Variants in UBE3D observed in about 807,000 individuals in gnomAD.
UBE3D encodes ubiquitin protein ligase E3D.
Under a neutral mutation model 49.6 loss-of-function variants are expected in UBE3D, and 48 were observed. The observed-to-expected ratio is 0.97, with a 90% CI of 0.77 to 1.23. The LOEUF (loss-of-function observed/expected upper bound fraction) is 1.23, where lower values mean the gene tolerates loss of function less well. UBE3D is among the 50% of genes most tolerant of loss of function. UBE3D has a pLI of 0.00. For synonymous variants in UBE3D, 189 were observed against 174.2 expected (o/e 1.08, Z -0.67); for missense variants, 452 against 468.4 (o/e 0.96, Z 0.32).
At chr6:83,053,487 C>A (rs1332554249) in intron 3 of UBE3D, among the ~76,000 whole-genome samples, 1 of 151,984 alleles carries the variant, frequency 6.6e-6, no homozygotes, top group African/African-American at 2.4e-5. Flanking sequence ...AGGGTTTGTG[C>A]CCAAGAAACA....
chr6:82,891,337 G>C (rs1204376771), downstream of UBE3D, among the ~76,000 whole-genome samples: 1 of 152,178 alleles, frequency 6.6e-6, no homozygotes, highest in Non-Finnish European at 1.5e-5. Context: ...TCAATGCAGA[G>C]AGCAGTCTCC....
chr6:83,047,340 A>G (rs534380283), intron 3 of UBE3D, among the ~76,000 whole-genome samples: 1 of 152,336 alleles, frequency 6.6e-6, no homozygotes, highest in East Asian at 1.9e-4. Flanking sequence ...AATGTCTGAT[A>G]GGACACTTTG....
intron 9 of UBE3D, among the ~76,000 whole-genome samples, chr6:82,917,599 G>A (rs1450275618): frequency 6.6e-6 from 1 of 152,296 alleles, no homozygotes; most frequent in East Asian, 1.9e-4. Context: ...TAATGAGCAC[G>A]ATTAGGAAGG....
At chr6:82,916,181 T>C (rs1008171807) in intron 9 of UBE3D, among the ~76,000 whole-genome samples, 10 of 152,204 alleles carry the variant, frequency 6.6e-5, no homozygotes, top group Non-Finnish European at 8.8e-5. Flanking sequence ...GTGGCCAGTG[T>C]GTACAAGGGT....
At chr6:82,931,970 A>AT (rs1470990102) in intron 9 of UBE3D, among the ~76,000 whole-genome samples, 1 of 152,072 alleles carries the variant, frequency 6.6e-6, no homozygotes, top group East Asian at 1.9e-4. Flanking sequence ...CATGGGGGTG[A>AT]TTACCCTCAT....
At position 83,047,438 on chromosome 6, in the gene UBE3D, G is replaced by C. The variant is rs117936760; in HGVS notation, c.366-2779C>G. On this transcript the variant is annotated intron_variant, in intron 3 of 9. Coordinates refer to ENST00000369747, the MANE Select transcript of UBE3D (RefSeq NM_198920.3). ...AGATACTGGCTGCTTAAGGCAGGAG[G>C]CTTCTTCTGAGCCAGGGCAGCTCCC... Among the ~76,000 whole-genome samples the C allele has an allele frequency of 9.2e-3, 1,408 of 152,294 alleles. 13 individuals carry two copies. Among genetic ancestry groups the C allele is most frequent in the Non-Finnish European group, 0.016 (1,058 of 68,024 alleles).
At chr6:83,018,863 T>C in intron 8 of UBE3D, 110 bp downstream of exon 8, 1 of 1,258,628 alleles carries the variant, frequency 7.9e-7, no homozygotes, top group Non-Finnish European at 1.1e-6. Context: ...TCCTAGAAGC[T>C]TCAAGTAGGG....
intron 9 of UBE3D, among the ~76,000 whole-genome samples, chr6:82,919,385 C>T (rs887614280): frequency 7.9e-5 from 12 of 151,626 alleles, no homozygotes; most frequent in African/African-American, 2.4e-4. Context: ...AAGCAGATCA[C>T]GAGGTCAGGA....
In UBE3D at chr6:82,909,587, C is replaced by T. The variant is rs1009408325; in HGVS notation, c.1150-16545G>A. On this transcript the variant is annotated intron_variant, in intron 9 of 9. Transcript: ENST00000369747. ...TTAGCTGACTTTTAACATAAGCATT[C>T]ACATCTGCTTTCTTTCCCTTTGTGC... Among the ~76,000 whole-genome samples, 7 of 152,170 alleles carry T rather than the reference C, an allele frequency of 4.6e-5. No homozygotes were observed. In the East Asian group the frequency reaches 1.3e-3, roughly 29 times the overall value.
chr6:83,011,570 T>A (rs1780336305), intron 8 of UBE3D, among the ~76,000 whole-genome samples: 1 of 152,104 alleles, frequency 6.6e-6, no homozygotes, highest in South Asian at 2.1e-4. Flanking sequence ...CTTCCTTACT[T>A]CCATTGTGGA....
At chr6:82,941,830 T>A (rs892046994) in intron 9 of UBE3D, among the ~76,000 whole-genome samples, 1 of 152,210 alleles carries the variant, frequency 6.6e-6, no homozygotes, top group Non-Finnish European at 1.5e-5. Flanking sequence ...CCTTCTGCCA[T>A]GATTGTAAGT....
intron 8 of UBE3D, among the ~76,000 whole-genome samples, chr6:82,986,073 G>A (rs1271591347): frequency 2.0e-5 from 3 of 151,998 alleles, no homozygotes; most frequent in Non-Finnish European, 4.4e-5. Context: ...CATTTTTATT[G>A]GGCTTTAGTT....
At chr6:82,997,336 G>C (rs932215501) in intron 8 of UBE3D, among the ~76,000 whole-genome samples, 9 of 152,098 alleles carry the variant, frequency 5.9e-5, no homozygotes, top group African/African-American at 2.2e-4. Context: ...TAAAGAATGA[G>C]ATACATCTAT....
At chr6:83,031,307 C>A (rs867300011) in intron 5 of UBE3D, among the ~76,000 whole-genome samples, 1 of 152,206 alleles carries the variant, frequency 6.6e-6, no homozygotes, top group Non-Finnish European at 1.5e-5. Context: ...CCATACCCAG[C>A]CTGGCGGAAG....
intron 4 of UBE3D, among the ~76,000 whole-genome samples, chr6:83,040,151 A>G (rs1293216564): frequency 6.6e-6 from 1 of 152,062 alleles, no homozygotes; most frequent in African/African-American, 2.4e-5. Flanking sequence ...TTTGGAGGCC[A>G]AGGCAGCCGG....
At chr6:83,065,531 A>G in intron 1 of UBE3D, 111 bp downstream of exon 1, 3 of 1,025,794 alleles carry the variant, frequency 2.9e-6, no homozygotes, top group Non-Finnish European at 4.3e-6. Flanking sequence ...GCTCTACGCA[A>G]CTGGAAAGAA....
At chr6:82,945,592 T>C (rs1775343398) in intron 9 of UBE3D, among the ~76,000 whole-genome samples, 1 of 152,084 alleles carries the variant, frequency 6.6e-6, no homozygotes, top group East Asian at 1.9e-4. Context: ...TCAATATCCA[T>C]GCCCAGATAC....
the UBE3D span, among the ~76,000 whole-genome samples, chr6:82,884,908 T>G: frequency 2.6e-5 from 4 of 152,196 alleles, no homozygotes; most frequent in Non-Finnish European, 5.9e-5. Context: ...TGAACTTTAG[T>G]CCAGAGGGCA....
downstream of UBE3D, among the ~76,000 whole-genome samples, chr6:82,891,568 AG>A (rs1248526629): frequency 6.6e-6 from 1 of 152,234 alleles, no homozygotes; most frequent in Non-Finnish European, 1.5e-5. Flanking sequence ...ATGACTCTGC[AG>A]GATCAACAGT....
Sources: allele counts gnomAD v4.1 joint callset (sites outside exome capture counted in the v4.1 genomes callset), GRCh38; gene constraint gnomAD v4.1.1; transcripts MANE v1.5; gene names NCBI Gene and HGNC (gene_info 2026-07-23, HGNC 2026-07-21).